The following SMPD3 variants were observed in gnomAD, a reference collection of about 807,000 sequenced individuals.
SMPD3 encodes nSMase-2.
In SMPD3, 21 loss-of-function variants were observed where a neutral mutation model predicts 55.7. That is an observed-to-expected ratio of 0.38 (90% confidence interval 0.27 to 0.54). The LOEUF (loss-of-function observed/expected upper bound fraction) is 0.54, where lower values mean the gene tolerates loss of function less well. Ranked by LOEUF, SMPD3 falls within the 20% of genes least tolerant of loss-of-function variation. The probability of loss-of-function intolerance (pLI) is 0.80; values close to 1 mark genes in which losing one functional copy is unlikely to be tolerated. For synonymous variants in SMPD3, 457 were observed against 404.3 expected (o/e 1.13, Z -1.56); for missense variants, 842 against 899.6 (o/e 0.94, Z 0.82).
intron 2 of SMPD3, among the ~76,000 whole-genome samples, chr16:68,385,360 G>A (rs2090035287): frequency 6.6e-6 from 1 of 152,046 alleles, no homozygotes; most frequent in East Asian, 1.9e-4. Flanking sequence ...CGTTCTGGGG[G>A]AAGAGTAACA....
At chr16:68,405,385 T>C (rs1238074828) in intron 1 of SMPD3, among the ~76,000 whole-genome samples, 1 of 151,228 alleles carries the variant, frequency 6.6e-6, no homozygotes, top group Non-Finnish European at 1.5e-5. Context: ...ACCCCATCTC[T>C]ACAAAAAATA....
Position 68,404,548 on chromosome 16 carries a change from G to T in SMPD3, c.-268-17889C>A, listed in dbSNP as rs746302324. ...CCTCAGCTTAGCAATTGTGAGGGTG[G>T]GTATGCAGGAGGTGGGGTGTGAGGA... On this transcript the variant is annotated intron_variant, in intron 1 of 8. Transcript: ENST00000219334. This position sits in a 1 kb window ranked among gnomAD's most constrained non-coding sequence, Gnocchi z 4.0. 1.9e-4 allele frequency among the ~76,000 whole-genome samples: 29 copies of T among 152,172 alleles called. No homozygotes were observed. The highest frequency in any genetic ancestry group is 3.7e-4 in the Non-Finnish European group (25 of 68,044).
rs575175534 is a variant in SMPD3, at chr16:68,446,136, C to T, written c.-269+2217G>A. On this transcript the variant is annotated intron_variant, in intron 1 of 8. Transcript: ENST00000219334. ...TCCCCTGCCAAGCCTCACTTGGAAA[C>T]ACATGGTGGTGGTGAGGGGGCAGAA... 3.7e-4 allele frequency among the ~76,000 whole-genome samples: 57 copies of T among 152,282 alleles called. No homozygotes were observed. The East Asian group carries it at 6.9e-3, about 19-fold the overall frequency.
At chr16:68,379,181 T>G (rs1181203060) in intron 2 of SMPD3, among the ~76,000 whole-genome samples, 2 of 152,242 alleles carry the variant, frequency 1.3e-5, no homozygotes, top group Non-Finnish European at 2.9e-5. Flanking sequence ...GAGGCTCCCC[T>G]GAGTCCTGGG....
At chr16:68,382,527 G>A (rs1371978904) in intron 2 of SMPD3, among the ~76,000 whole-genome samples, 1 of 152,246 alleles carries the variant, frequency 6.6e-6, no homozygotes, top group African/African-American at 2.4e-5. Flanking sequence ...ATAGTTAAGG[G>A]TGGGGTGTCC....
chr16:68,365,107 G>T lies in SMPD3; in HGVS notation c.1324-15C>A. On this transcript the variant is annotated splice_polypyrimidine_tract_variant and intron_variant, in intron 3 of 8. Transcript: ENST00000219334. ...CCCACCTGCACCTGGGGGAGGAGGG[G>T]GTCAGTGCTGCCACCTGCCAGTCAC... The T allele has an allele frequency of 6.2e-7, 1 of 1,613,556 alleles. No individual in the cohort carries two copies. The highest frequency in any genetic ancestry group is 8.5e-7 in the Non-Finnish European group (1 of 1,179,774).
At chr16:68,421,977 G>A (rs1191923433) in intron 1 of SMPD3, among the ~76,000 whole-genome samples, 1 of 152,204 alleles carries the variant, frequency 6.6e-6, no homozygotes, top group Non-Finnish European at 1.5e-5. Flanking sequence ...CCAACGTAAC[G>A]ACAAGGATCC....
chr16:68,376,058 A>G (rs550469007), intron 2 of SMPD3, among the ~76,000 whole-genome samples: 6 of 152,348 alleles, frequency 3.9e-5, no homozygotes, highest in African/African-American at 1.2e-4. Context: ...GAAACCATGG[A>G]GCTAGTTTCT....
chr16:68,438,378 C>T (rs1489857192), intron 1 of SMPD3, among the ~76,000 whole-genome samples: 1 of 152,188 alleles, frequency 6.6e-6, no homozygotes, highest in Non-Finnish European at 1.5e-5. Context: ...GGTAGGAATG[C>T]TCAACTGTGG....
chr16:68,370,412 G>A (rs1426388028), intron 3 of SMPD3: 1 of 191,908 alleles, frequency 5.2e-6, no homozygotes, highest in Non-Finnish European at 1.1e-5. Flanking sequence ...CTTGGTCTGG[G>A]CTGGTCTCTC....
chr16:68,397,073 G>T (rs1443263609), intron 1 of SMPD3, among the ~76,000 whole-genome samples: 1 of 152,174 alleles, frequency 6.6e-6, no homozygotes, highest in Non-Finnish European at 1.5e-5. Flanking sequence ...GCTTGGAGGG[G>T]CATAAGTGAC....
intron 1 of SMPD3, among the ~76,000 whole-genome samples, chr16:68,412,217 A>C (rs1308725549): frequency 6.6e-6 from 1 of 152,214 alleles, no homozygotes; most frequent in African/African-American, 2.4e-5. Flanking sequence ...GTGGGGACTC[A>C]GAAGAAAATC....
intron 1 of SMPD3, among the ~76,000 whole-genome samples, chr16:68,392,267 CTTTT>C (rs1361501771): frequency 1.3e-5 from 2 of 152,068 alleles, no homozygotes; most frequent in Non-Finnish European, 2.9e-5. Flanking sequence ...TTGACCTTTT[CTTTT>C]TATTATTTTA....
At chr16:68,421,699 C>T (rs1381057420) in intron 1 of SMPD3, among the ~76,000 whole-genome samples, 1 of 152,224 alleles carries the variant, frequency 6.6e-6, no homozygotes, top group African/African-American at 2.4e-5. Context: ...CCATTCCTAG[C>T]CATTGACATT....
chr16:68,415,361 C>A (rs566520645), intron 1 of SMPD3, among the ~76,000 whole-genome samples: 1 of 152,260 alleles, frequency 6.6e-6, no homozygotes, highest in East Asian at 1.9e-4. Flanking sequence ...AAGGGGATGC[C>A]TGAGAGGCCG....
At chr16:68,370,429 G>A (rs1177217214) in intron 3 of SMPD3, among the ~76,000 whole-genome samples, 2 of 152,082 alleles carry the variant, frequency 1.3e-5, no homozygotes, top group African/African-American at 4.8e-5. Flanking sequence ...TCTCTGCCTC[G>A]TTATGAACCG....
At chr16:68,385,145 A>C (rs1371153926) in intron 2 of SMPD3, among the ~76,000 whole-genome samples, 2 of 152,146 alleles carry the variant, frequency 1.3e-5, no homozygotes, top group Non-Finnish European at 2.9e-5. Context: ...ACTACCCCAA[A>C]TGGGTACAGC....
At chr16:68,378,373 G>T (rs1291640808) in intron 2 of SMPD3, among the ~76,000 whole-genome samples, 1 of 152,196 alleles carries the variant, frequency 6.6e-6, no homozygotes, top group Non-Finnish European at 1.5e-5. Context: ...CTTTCTGAGT[G>T]ATGCAGGTTG....
At chr16:68,362,633 C>T (rs898271138) in intron 7 of SMPD3, among the ~76,000 whole-genome samples, 1 of 152,248 alleles carries the variant, frequency 6.6e-6, no homozygotes, top group Non-Finnish European at 1.5e-5. Flanking sequence ...TGGACGGATG[C>T]AAAAGGGGCA....
Sources: gnomAD v4.1 joint callset for allele counts (sites outside exome capture counted in the v4.1 genomes callset) on GRCh38, gnomAD v4.1.1 for gene constraint, Gnocchi (gnomAD v3.1) non-coding constraint, MANE v1.5 for transcripts, NCBI Gene and HGNC (gene_info 2026-07-23, HGNC 2026-07-21) for gene names.